NUBPL: variants seen among roughly 807,000 people sequenced by gnomAD.
NUBPL encodes iron-sulfur cluster transfer protein NUBPL.
A neutral mutation model predicts 45.7 loss-of-function variants in NUBPL; 31 were observed. The observed-to-expected ratio is 0.68, with a 90% confidence interval of 0.51 to 0.92. NUBPL has a LOEUF of 0.92. Among genes scored for constraint, NUBPL ranks in the 40% least tolerant of loss-of-function variants. The pLI, the probability that NUBPL is intolerant of heterozygous loss-of-function variation, is 0.00. For synonymous variants in NUBPL, 144 were observed against 140.9 expected, an observed-to-expected ratio of 1.02 and a Z score of -0.15; for missense variants, 401 against 398.7, an observed-to-expected ratio of 1.01 and a Z score of -0.05.
intron 6 of NUBPL, among the ~76,000 whole-genome samples, chr14:31,674,798 A>C (rs2036653665): frequency 6.6e-6 from 1 of 152,212 alleles, no homozygotes. Context: ...GTCCAAATGA[A>C]GATTTGGCAA....
intron 9 of NUBPL, 185 bp from the exon 10 acceptor site, chr14:31,849,934 A>C: frequency 1.6e-6 from 1 of 628,978 alleles, no homozygotes; most frequent in South Asian, 1.9e-5. Flanking sequence ...GTACTACTCT[A>C]AAATAGAGTA....
chr14:31,686,017 C>G (rs919796653), intron 6 of NUBPL, among the ~76,000 whole-genome samples: 4 of 151,920 alleles, frequency 2.6e-5, no homozygotes, highest in Non-Finnish European at 2.9e-5. Flanking sequence ...TACAATGGTA[C>G]AGAGGCAGTT....
At chr14:31,753,663 G>A (rs868408558) in intron 6 of NUBPL, among the ~76,000 whole-genome samples, 1 of 152,014 alleles carries the variant, frequency 6.6e-6, no homozygotes, top group Non-Finnish European at 1.5e-5. Flanking sequence ...TGGGGAGTGG[G>A]GGTTGCCAGT....
At chr14:31,711,466 TGATAGTCTTACTGCTTGGCAATAGGC>T (rs939118767) in intron 6 of NUBPL, among the ~76,000 whole-genome samples, 2 of 152,018 alleles carry the variant, frequency 1.3e-5, no homozygotes, top group Non-Finnish European at 2.9e-5. Flanking sequence ...CGGCGATAGG[TGATAGTCTTACTGCTTGGCAATAGGC>T]GATAGTCTTA....
intron 6 of NUBPL, among the ~76,000 whole-genome samples, chr14:31,739,786 A>G (rs2038244413): frequency 6.6e-6 from 1 of 152,166 alleles, no homozygotes; most frequent in Non-Finnish European, 1.5e-5. Context: ...TAGTTTCACT[A>G]TCCTAAAAAT....
chr14:31,842,485 T>A (rs1193774493), intron 8 of NUBPL, among the ~76,000 whole-genome samples: 1 of 152,160 alleles, frequency 6.6e-6, no homozygotes, highest in Non-Finnish European at 1.5e-5. Flanking sequence ...AACTTTTTTT[T>A]TCCTTTCTGA....
At chr14:31,723,580 A>G (rs1459469311) in intron 6 of NUBPL, among the ~76,000 whole-genome samples, 1 of 152,242 alleles carries the variant, frequency 6.6e-6, no homozygotes, top group African/African-American at 2.4e-5. Context: ...ATCCATAAGC[A>G]TGGAATGTAT....
chr14:31,602,934 C>T (rs1340025642), intron 4 of NUBPL, among the ~76,000 whole-genome samples: 4 of 151,786 alleles, frequency 2.6e-5, no homozygotes, highest in Admixed American at 2.6e-4. Context: ...TTTTAAATAC[C>T]TCTTTAATGT....
At chr14:31,679,422 T>C (rs2036777226) in intron 6 of NUBPL, among the ~76,000 whole-genome samples, 1 of 152,206 alleles carries the variant, frequency 6.6e-6, no homozygotes, top group Admixed American at 6.5e-5. Flanking sequence ...TAGTTCTGTC[T>C]TGTACATCTT....
intron 4 of NUBPL, among the ~76,000 whole-genome samples, chr14:31,651,936 G>T (rs1488521953): frequency 6.6e-6 from 1 of 151,330 alleles, no homozygotes; most frequent in East Asian, 1.9e-4. Context: ...AATCTGCAAA[G>T]GATCTGAATA....
At chr14:31,666,252 TA>T (rs1566487100) in intron 4 of NUBPL, among the ~76,000 whole-genome samples, 2,051 of 44,578 alleles carry the variant, frequency 0.046, 165 homozygotes, top group African/African-American at 0.19. Context: ...TATATATATA[TA>T]TATATATATA....
chr14:31,753,297 C>G (rs1382479072), intron 6 of NUBPL, among the ~76,000 whole-genome samples: 1 of 152,008 alleles, frequency 6.6e-6, no homozygotes, highest in African/African-American at 2.4e-5. Flanking sequence ...GGCCTCAGAT[C>G]TGGGAGGTGT....
At chr14:31,649,505 A>G (rs2035943770) in intron 4 of NUBPL, among the ~76,000 whole-genome samples, 1 of 152,230 alleles carries the variant, frequency 6.6e-6, no homozygotes, top group Admixed American at 6.5e-5. Context: ...TAAATGATAT[A>G]CGCAACAAGA....
At chr14:31,738,280 A>C (rs933466340) in intron 6 of NUBPL, among the ~76,000 whole-genome samples, 4 of 152,192 alleles carry the variant, frequency 2.6e-5, no homozygotes, top group Admixed American at 6.5e-5. Flanking sequence ...TGGAGGGCAG[A>C]GATAAGAGGT....
At position 31,595,296 on chromosome 14, in the gene NUBPL, A is replaced by G. The variant is rs138880708; in HGVS notation, c.292-3993A>G. ...TCTATCTTGTTTTATGTCATCTGCT[A>G]GATTTTGAAATCTGTAGGAGAGTCA... On this transcript the variant is annotated intron_variant, in intron 3 of 10. Transcript: ENST00000281081. 9.5e-4 allele frequency among the ~76,000 whole-genome samples: 145 copies of G among 152,336 alleles called. 4 individuals are homozygous for G. The East Asian group carries it at 0.026, about 27-fold the overall frequency.
chr14:31,702,764 C>A (rs2037367446), intron 6 of NUBPL, among the ~76,000 whole-genome samples: 1 of 152,198 alleles, frequency 6.6e-6, no homozygotes, highest in Non-Finnish European at 1.5e-5. Context: ...ACCCCACATT[C>A]CTGTCACTCT....
At chr14:31,608,234 T>A (rs2034655258) in intron 4 of NUBPL, among the ~76,000 whole-genome samples, 1 of 152,014 alleles carries the variant, frequency 6.6e-6, no homozygotes. Flanking sequence ...CTACAGGAGA[T>A]GTTAAAGGGA....
intron 7 of NUBPL, among the ~76,000 whole-genome samples, chr14:31,812,994 T>A (rs2039840619): frequency 6.6e-6 from 1 of 150,566 alleles, no homozygotes; most frequent in South Asian, 2.1e-4. Context: ...TTTTTTTTTT[T>A]TTTTTTTTGA....
At chr14:31,739,015 T>C (rs1461115886) in intron 6 of NUBPL, among the ~76,000 whole-genome samples, 1 of 147,512 alleles carries the variant, frequency 6.8e-6, no homozygotes, top group Non-Finnish European at 1.5e-5. Flanking sequence ...TTTTTATTTG[T>C]TTGTTTGTTT....
Sources: allele counts gnomAD v4.1 joint callset (sites outside exome capture counted in the v4.1 genomes callset), GRCh38; gene constraint gnomAD v4.1.1; transcripts MANE v1.5; gene names NCBI Gene and HGNC (gene_info 2026-07-23, HGNC 2026-07-21).